PPP2R2C: variants seen among roughly 807,000 people sequenced by gnomAD.
The protein encoded by PPP2R2C is protein phosphatase 2, regulatory subunit B, gamma.
PPP2R2C carries 10 observed loss-of-function variants against 45.3 expected under a neutral mutation model. The observed-to-expected ratio is 0.22, with a 90% CI of 0.14 to 0.37. PPP2R2C has a LOEUF of 0.37. Among genes scored for constraint, PPP2R2C ranks in the 10% least tolerant of loss-of-function variants. The probability of loss-of-function intolerance (pLI) is 1.00; values close to 1 mark genes in which losing one functional copy is unlikely to be tolerated. For synonymous variants in PPP2R2C, 257 were observed against 245.4 expected, an observed-to-expected ratio of 1.05 and a Z score of -0.44; for missense variants, 308 against 619.7, an observed-to-expected ratio of 0.50 and a Z score of 5.34.
rs573821993 is a variant in PPP2R2C at position 6,450,204 on chromosome 4, AT to A, written c.70+21955del. On this transcript the variant is annotated intron_variant, in intron 1 of 8. Transcript: ENST00000382599. ...AGAAGCCTGGCCTCTCTGGGCTTCA[AT>A]TGTCTCATCTATGGGGTGGAGTGGG... Among the ~76,000 whole-genome samples the A allele has an allele frequency of 6.2e-3, 828 of 132,768 alleles. 3 individuals are homozygous for A. The highest frequency in any genetic ancestry group is 0.022 in the African/African-American group (782 of 35,932). The allele number at this position is 132,768 out of a possible 152,430, so 87.1% of individuals were successfully genotyped here. A position where few individuals can be genotyped will look rare whatever the true frequency, so the allele number is the denominator to read the frequency against.
At chr4:6,355,997 A>AAAAAAAAAAAG (rs1713148629) in intron 5 of PPP2R2C, among the ~76,000 whole-genome samples, 1 of 122,918 alleles carries the variant, frequency 8.1e-6, no homozygotes, top group Non-Finnish European at 1.6e-5. Flanking sequence ...TGCCTGGAAA[A>AAAAAAAAAAAG]AAAAAAAAAA....
intron 1 of PPP2R2C, among the ~76,000 whole-genome samples, chr4:6,437,077 C>G (rs1482550989): frequency 1.3e-5 from 2 of 152,232 alleles, no homozygotes; most frequent in African/African-American, 4.8e-5. Context: ...GCTATGCTTG[C>G]CAGCACGCCA....
In PPP2R2C at chr4:6,368,603, C is replaced by T. The variant is rs1714534584; in HGVS notation, c.625+3920G>A. Among the ~76,000 whole-genome samples, 1 of 152,212 alleles carries T rather than the reference C, an allele frequency of 6.6e-6. No individual in the cohort carries two copies. The highest frequency in any genetic ancestry group is 1.5e-5 in the Non-Finnish European group (1 of 68,034). The stretch of plus-strand genomic sequence containing the variant: ...TGCAGTCCTGGGATGAACCAACCCC[C>T]TTTTCTTCTTTACAGCCAACCTGTC... On this transcript the variant is annotated intron_variant, in intron 5 of 8. Coordinates refer to ENST00000382599, the MANE Select transcript of PPP2R2C (RefSeq NM_020416.4). The surrounding 1 kb of genome is among the most constrained non-coding windows in gnomAD (Gnocchi z 4.2).
Position 6,378,046 on chromosome 4 carries a change from T to A in PPP2R2C, c.334+361A>T, listed in dbSNP as rs989678456. On this transcript the variant is annotated intron_variant, in intron 3 of 8. Coordinates refer to ENST00000382599, the MANE Select transcript of PPP2R2C (RefSeq NM_020416.4). This position sits in a 1 kb window ranked among gnomAD's most constrained non-coding sequence, Gnocchi z 5.2. The stretch of plus-strand genomic sequence containing the variant: ...CCCGTGTCTGCGACCTGCATCCTTG[T>A]CCATCACACTCCCTCACCCCAAAGC... Among the ~76,000 whole-genome samples, 2 of 152,122 alleles carry A rather than the reference T, an allele frequency of 1.3e-5. No homozygotes were observed. The highest frequency in any genetic ancestry group is 3.9e-4 in the East Asian group (2 of 5,160).
chr4:6,452,930 C>T (rs537483438), intron 1 of PPP2R2C, among the ~76,000 whole-genome samples: 1 of 152,338 alleles, frequency 6.6e-6, no homozygotes, highest in African/African-American at 2.4e-5. Context: ...GGGCTGCCAC[C>T]ATGCCTGACT....
intron 2 of PPP2R2C, among the ~76,000 whole-genome samples, chr4:6,511,562 T>A (rs1444994569): frequency 2.6e-5 from 1 of 38,820 alleles, no homozygotes; most frequent in African/African-American, 8.0e-5. Context: ...GTGGTGGTGG[T>A]GGTGGTGGTG....
chr4:6,415,856 T>C (rs1359856363), intron 1 of PPP2R2C, among the ~76,000 whole-genome samples: 2 of 152,188 alleles, frequency 1.3e-5, no homozygotes, highest in Non-Finnish European at 2.9e-5. Context: ...CACTACCACA[T>C]TACACAGCTA....
At chr4:6,510,196 A>C (rs1577228105) in intron 2 of PPP2R2C, among the ~76,000 whole-genome samples, 1 of 151,954 alleles carries the variant, frequency 6.6e-6, no homozygotes, top group East Asian at 1.9e-4. Context: ...AGTAAGCCCA[A>C]ACTCCAACCT....
chr4:6,377,113 C>T (rs1488599923), intron 3 of PPP2R2C, among the ~76,000 whole-genome samples: 2 of 152,216 alleles, frequency 1.3e-5, no homozygotes, highest in Admixed American at 6.5e-5. Flanking sequence ...CAGGCACAGG[C>T]GGGCTGGCAG....
chr4:6,483,156 T>C (rs1040450476), intron 2 of PPP2R2C, among the ~76,000 whole-genome samples: 4 of 82,496 alleles, frequency 4.8e-5, no homozygotes, highest in African/African-American at 1.4e-4. Flanking sequence ...GATTGATTGA[T>C]AGATAGACGA....
At chr4:6,397,441 G>C (rs1041234232) in intron 1 of PPP2R2C, among the ~76,000 whole-genome samples, 5 of 150,768 alleles carry the variant, frequency 3.3e-5, no homozygotes, top group African/African-American at 1.2e-4. Flanking sequence ...TCCCGGCCAA[G>C]GTGCAGGGTG....
At chr4:6,390,713 T>C (rs1169618239) in intron 1 of PPP2R2C, among the ~76,000 whole-genome samples, 1 of 152,108 alleles carries the variant, frequency 6.6e-6, no homozygotes, top group Non-Finnish European at 1.5e-5. Context: ...CTGATGGGAT[T>C]TTATGTGAGG....
At chr4:6,429,206 C>A (rs543800731) in intron 1 of PPP2R2C, among the ~76,000 whole-genome samples, 17 of 152,344 alleles carry the variant, frequency 1.1e-4, no homozygotes, top group South Asian at 1.0e-3. Context: ...CTGTGGTATA[C>A]CATGTGACAG....
chr4:6,396,962 C>T (rs1166054804), intron 1 of PPP2R2C, among the ~76,000 whole-genome samples: 3 of 152,086 alleles, frequency 2.0e-5, no homozygotes, highest in African/African-American at 7.3e-5. Flanking sequence ...GATTTCCATG[C>T]TACCCACAGT....
rs567082840 is a variant in PPP2R2C, at chr4:6,422,080, G to A, written c.71-40986C>T. ...TTTTTTTTTTTTTAACTAGAGTCTTGAGTAGTCAAAACTTTGTTTCTCACA... is the reference window on the plus strand; with the variant it reads ...TTTTTTTTTTTTTAACTAGAGTCTTAAGTAGTCAAAACTTTGTTTCTCACA... On this transcript the variant is annotated intron_variant, in intron 1 of 8. Transcript: ENST00000382599. Among the ~76,000 whole-genome samples, 101 of 149,574 alleles carry A rather than the reference G, an allele frequency of 6.8e-4. 1 individual carries two copies. Among genetic ancestry groups the A allele is most frequent in the African/African-American group, 2.4e-3 (99 of 40,614 alleles).
rs1560496574 is a variant in PPP2R2C, at chr4:6,378,195, A to G, written c.334+212T>C. On this transcript the variant is annotated intron_variant, in intron 3 of 8. Coordinates refer to ENST00000382599, the MANE Select transcript of PPP2R2C (RefSeq NM_020416.4). The surrounding 1 kb of genome is among the most constrained non-coding windows in gnomAD (Gnocchi z 5.2). ...CATGGGATTTACATGCTGCTCAAAA[A>G]GGGGGGCAGCCCTGTGTCCAGACAC... 1 of 583,438 alleles carries G rather than the reference A, an allele frequency of 1.7e-6. No individual in the cohort carries two copies. The highest frequency in any genetic ancestry group is 1.4e-4 in the East Asian group (1 of 6,986). The allele number at this position is 583,438 out of a possible 1,614,324, so 36.1% of individuals were successfully genotyped here.
intron 1 of PPP2R2C, among the ~76,000 whole-genome samples, chr4:6,389,179 G>A (rs1467841904): frequency 5.9e-5 from 9 of 152,318 alleles, no homozygotes; most frequent in Non-Finnish European, 5.9e-5. Context: ...CCTGGCCATG[G>A]TTCTCCCAGG....
intron 6 of PPP2R2C, among the ~76,000 whole-genome samples, chr4:6,346,222 TTCC>T (rs1477296488): frequency 2.6e-5 from 4 of 152,168 alleles, no homozygotes; most frequent in South Asian, 2.1e-4. Context: ...GCGTCTCCTC[TTCC>T]TCCTCAAGTC....
intron 1 of PPP2R2C, among the ~76,000 whole-genome samples, chr4:6,539,219 G>A (rs1433529518): frequency 6.6e-6 from 1 of 152,150 alleles, no homozygotes; most frequent in Non-Finnish European, 1.5e-5. Context: ...GAGGATGGAG[G>A]TGGAGGTTGG....
Sources: gnomAD v4.1 joint callset for allele counts (sites outside exome capture counted in the v4.1 genomes callset) on GRCh38, gnomAD v4.1.1 for gene constraint, Gnocchi (gnomAD v3.1) non-coding constraint, MANE v1.5 for transcripts, NCBI Gene and HGNC (gene_info 2026-07-23, HGNC 2026-07-21) for gene names.